RPTOR: variants seen among roughly 807,000 people sequenced by gnomAD.
RPTOR encodes the protein regulatory associated protein of MTOR complex 1.
A neutral mutation model predicts 169.9 loss-of-function variants in RPTOR; 21 were observed. That is an observed-to-expected ratio of 0.12 (90% CI 0.09 to 0.18). The LOEUF (loss-of-function observed/expected upper bound fraction) is 0.18, where lower values mean the gene tolerates loss of function less well. Ranked by LOEUF, RPTOR falls within the 10% of genes least tolerant of loss-of-function variation. The pLI is 1.00. For synonymous variants in RPTOR, 732 were observed against 753.2 expected, an observed-to-expected ratio of 0.97 and a Z score of 0.46; for missense variants, 1,133 against 1,855.9, an observed-to-expected ratio of 0.61 and a Z score of 7.16.
At chr17:80,898,938 C>T (rs1470132560) in intron 20 of RPTOR, among the ~76,000 whole-genome samples, 3 of 152,104 alleles carry the variant, frequency 2.0e-5, no homozygotes, top group East Asian at 3.9e-4. Flanking sequence ...CAGTTCCCAC[C>T]GGGCAACCCT....
At chr17:80,804,369 G>A (rs567243381) in intron 7 of RPTOR, 2 of 152,244 alleles carry the variant, frequency 1.3e-5, no homozygotes, top group African/African-American at 4.8e-5. Flanking sequence ...AACAGATTTA[G>A]TGTGGCTGCG....
chr17:80,786,141 T>A (rs1241805709), intron 6 of RPTOR, among the ~76,000 whole-genome samples: 4 of 152,192 alleles, frequency 2.6e-5, no homozygotes, highest in Non-Finnish European at 5.9e-5. Flanking sequence ...AGAGTGAAAG[T>A]TAGACTGACG....
intron 3 of RPTOR, among the ~76,000 whole-genome samples, chr17:80,693,030 A>G (rs1598227794): frequency 1.3e-5 from 2 of 152,198 alleles, no homozygotes; most frequent in South Asian, 4.1e-4. Context: ...GAAGTGCTGT[A>G]TGTTGTACAT....
chr17:80,575,767 AT>A (rs776067911), intron 1 of RPTOR, among the ~76,000 whole-genome samples: 47 of 152,210 alleles, frequency 3.1e-4, no homozygotes, highest in Admixed American at 9.2e-4. Flanking sequence ...CACTTTACTG[AT>A]TTTTTTGACT....
intron 20 of RPTOR, among the ~76,000 whole-genome samples, chr17:80,902,994 C>T (rs750068143): frequency 2.6e-5 from 4 of 152,228 alleles, no homozygotes; most frequent in Non-Finnish European, 4.4e-5. Flanking sequence ...CTGGCAGGAA[C>T]GCAGATCAGA....
At chr17:80,652,047 G>A (rs1207907810) in intron 3 of RPTOR, among the ~76,000 whole-genome samples, 1 of 150,926 alleles carries the variant, frequency 6.6e-6, no homozygotes, top group Non-Finnish European at 1.5e-5. Flanking sequence ...GCGGGTGCCT[G>A]TAGTCCCAGC....
chr17:80,714,008 G>A (rs943429944), intron 4 of RPTOR, among the ~76,000 whole-genome samples: 5 of 151,832 alleles, frequency 3.3e-5, no homozygotes, highest in Admixed American at 6.6e-5. Context: ...GCGTGATCTC[G>A]GCTCACTGCA....
chr17:80,675,420 C>T lies in RPTOR; in HGVS notation c.348+31610C>T, dbSNP rs1264688949. ...CACACCCGGGTCAAGGCCAGCCATCCCTCCTCTCTGTTTATTACTAGGCTG... is the reference window on the plus strand; with the variant it reads ...CACACCCGGGTCAAGGCCAGCCATCTCTCCTCTCTGTTTATTACTAGGCTG... On this transcript the variant is annotated intron_variant, in intron 3 of 33. Transcript: ENST00000306801. Among the ~76,000 whole-genome samples the T allele has an allele frequency of 2.0e-5, 3 of 152,312 alleles. No homozygotes were observed. The East Asian group carries it at 5.8e-4, about 29-fold the overall frequency.
intron 1 of RPTOR, among the ~76,000 whole-genome samples, chr17:80,582,787 G>A (rs963801213): frequency 3.3e-5 from 5 of 151,572 alleles, no homozygotes; most frequent in East Asian, 1.9e-4. Flanking sequence ...CTCGTGATCC[G>A]CCCGCCTCAG....
In RPTOR at chr17:80,893,783, G is replaced by C; in HGVS notation, c.2319G>C (p.Glu773Asp). Reference protein sequence around the residue: ...SSASSTLGSPENEEHILSFET... With the variant: ...SSASSTLGSPDNEEHILSFET... ...CCAGCAGCACCCTGGGCAGCCCCGA[G>C]AATGAGGAGCATATCCTGTCCTTCG... Residue 773 changes from glutamate (E) to aspartate (D), a missense_variant, in exon 20 of 34, where the codon GAG becomes GAC. Around this residue, in one of 9 missense-constraint regions of RPTOR, gnomAD observed 150 missense variants for 206.4 expected, o/e 0.73. Coordinates refer to ENST00000306801, the MANE Select transcript of RPTOR (RefSeq NM_020761.3). 6.3e-7 allele frequency: 1 copy of C among 1,597,796 alleles called. No homozygotes were observed. Among genetic ancestry groups the C allele is most frequent in the East Asian group, 2.3e-5 (1 of 43,918 alleles).
chr17:80,609,900 A>G lies in RPTOR; in HGVS notation c.163-15791A>G, dbSNP rs2065258058. 6.6e-6 allele frequency among the ~76,000 whole-genome samples: 1 copy of G among 152,074 alleles called. No individual in the cohort carries two copies. The highest frequency in any genetic ancestry group is 2.4e-5 in the African/African-American group (1 of 41,408). ...CTTACAACTGACATTTAGCCAATTGAAAAGTGTAGGCCAGGGTGTAGATAG... is the reference window on the plus strand; with the variant it reads ...CTTACAACTGACATTTAGCCAATTGGAAAGTGTAGGCCAGGGTGTAGATAG... On this transcript the variant is annotated intron_variant, in intron 1 of 33. Coordinates refer to ENST00000306801, the MANE Select transcript of RPTOR (RefSeq NM_020761.3). This position sits in a 1 kb window ranked among gnomAD's most constrained non-coding sequence, Gnocchi z 4.8.
At chr17:80,670,748 G>A (rs2065815471) in intron 3 of RPTOR, among the ~76,000 whole-genome samples, 7 of 152,140 alleles carry the variant, frequency 4.6e-5, no homozygotes, top group Admixed American at 4.6e-4. Context: ...GCCTGTAGAC[G>A]ACACACAGTA....
intron 5 of RPTOR, chr17:80,743,380 T>G (rs2066504285): frequency 5.2e-5 from 51 of 985,474 alleles, no homozygotes; most frequent in Non-Finnish European, 6.1e-5. Flanking sequence ...CTGAAGGAGA[T>G]GTCTAACCTG....
Position 80,837,909 on chromosome 17 carries a change from G to C in RPTOR, c.1137-13G>C, listed in dbSNP as rs764111223. 6.2e-7 allele frequency: 1 copy of C among 1,608,130 alleles called. No homozygotes were observed. Among genetic ancestry groups the C allele is most frequent in the Non-Finnish European group, 8.5e-7 (1 of 1,176,812 alleles). ...CCATAATGCTCAGTGGATTTCCTCT[G>C]TTCTCTCCGCAGGCAAGCCTGGGAC... On this transcript the variant is annotated splice_polypyrimidine_tract_variant and intron_variant, in intron 9 of 33. Coordinates refer to ENST00000306801, the MANE Select transcript of RPTOR (RefSeq NM_020761.3).
intron 1 of RPTOR, among the ~76,000 whole-genome samples, chr17:80,553,677 G>A (rs2084371935): frequency 1.3e-5 from 2 of 152,104 alleles, no homozygotes; most frequent in Non-Finnish European, 1.5e-5. Flanking sequence ...TAAAAGATCC[G>A]TTCAATGTTA....
At chr17:80,582,697 C>T (rs1038425927) in intron 1 of RPTOR, among the ~76,000 whole-genome samples, 8 of 151,794 alleles carry the variant, frequency 5.3e-5, no homozygotes, top group Admixed American at 3.3e-4. Flanking sequence ...AGGCGCCCGC[C>T]ACCATGCCTG....
At position 80,965,606 on chromosome 17, in the gene RPTOR, G is replaced by C. The variant is rs1208799507; in HGVS notation, c.*1276G>C. Reference sequence around the variant, plus strand: ...CCAGGTGGCTTCATTCTGGCGGTGAGAGGCCCACGACCACGGGAGTGAGAG... The same window carrying C: ...CCAGGTGGCTTCATTCTGGCGGTGACAGGCCCACGACCACGGGAGTGAGAG... On this transcript the variant is annotated 3_prime_UTR_variant, in exon 34 of 34. Coordinates refer to ENST00000306801, the MANE Select transcript of RPTOR (RefSeq NM_020761.3). 4.3e-6 allele frequency: 1 copy of C among 233,260 alleles called. No individual in the cohort carries two copies. The highest frequency in any genetic ancestry group is 6.0e-5 in the East Asian group (1 of 16,602). 14.4% of individuals were successfully genotyped at this position (233,260 alleles called of 1,614,324 possible). A position where few individuals can be genotyped will look rare whatever the true frequency, so the allele number is the denominator to read the frequency against.
chr17:80,700,814 A>T (rs145354332), intron 3 of RPTOR, among the ~76,000 whole-genome samples: 15 of 9,008 alleles, frequency 1.7e-3, no homozygotes, highest in African/African-American at 6.5e-3. Context: ...GATGGTGGTG[A>T]TGGTGATGGT....
Position 80,695,083 on chromosome 17 carries a change from G to A in RPTOR, c.349-12758G>A, listed in dbSNP as rs371175878. 2.6e-5 allele frequency among the ~76,000 whole-genome samples: 4 copies of A among 152,282 alleles called. No individual in the cohort carries two copies. The highest frequency in any genetic ancestry group is 1.9e-4 in the East Asian group (1 of 5,176). On this transcript the variant is annotated intron_variant, in intron 3 of 33. Transcript: ENST00000306801. The surrounding 1 kb of genome is among the most constrained non-coding windows in gnomAD (Gnocchi z 4.9). ...TGTGCGGGGCTGGCTGTGTGGCCCC[G>A]TGAGGGTTACTGAACCTCTCTGTGC...
Sources: allele counts gnomAD v4.1 joint callset (sites outside exome capture counted in the v4.1 genomes callset), GRCh38; gene constraint gnomAD v4.1.1; regional missense constraint gnomAD v4.1.1; non-coding constraint Gnocchi (gnomAD v3.1); transcripts MANE v1.5; gene names NCBI Gene and HGNC (gene_info 2026-07-23, HGNC 2026-07-21).